Variants in MRPL1 observed in about 807,000 individuals in gnomAD.
The protein encoded by MRPL1 is mitochondrial ribosomal protein L1.
In MRPL1, 28 loss-of-function variants were observed where a neutral mutation model predicts 38.0. That is an observed-to-expected ratio of 0.74 (90% CI 0.55 to 1.01). The LOEUF (loss-of-function observed/expected upper bound fraction) is 1.01, where lower values mean the gene tolerates loss of function less well. Among genes scored for constraint, MRPL1 ranks in the 50% least tolerant of loss-of-function variants. The pLI is 0.00. For synonymous variants in MRPL1, 123 were observed against 126.7 expected (o/e 0.97, Z 0.20); for missense variants, 358 against 389.8 (o/e 0.92, Z 0.69).
At chr4:77,907,468 TTCTC>T (rs950472277) in intron 6 of MRPL1, among the ~76,000 whole-genome samples, 3 of 149,572 alleles carry the variant, frequency 2.0e-5, no homozygotes, top group Non-Finnish European at 4.5e-5. Flanking sequence ...TCATGGGTCT[TTCTC>T]TCTCTCTCTC....
intron 5 of MRPL1, among the ~76,000 whole-genome samples, chr4:77,887,646 C>T (rs1735713250): frequency 6.6e-6 from 1 of 152,124 alleles, no homozygotes; most frequent in African/African-American, 2.4e-5. Flanking sequence ...CTGCCTCAGC[C>T]TTCTGAGTAG....
At chr4:77,883,950 A>C (rs1735611943) in intron 3 of MRPL1, among the ~76,000 whole-genome samples, 2 of 152,188 alleles carry the variant, frequency 1.3e-5, no homozygotes, top group South Asian at 4.1e-4. Flanking sequence ...TTAGCATGAA[A>C]AATATGTTTG....
At chr4:77,892,880 G>C (rs1735836366) in intron 5 of MRPL1, among the ~76,000 whole-genome samples, 1 of 152,128 alleles carries the variant, frequency 6.6e-6, no homozygotes, top group Non-Finnish European at 1.5e-5. Context: ...CCTGTCTCAA[G>C]GTTTGTTATG....
chr4:77,872,918 T>A (rs1243090580), intron 2 of MRPL1, among the ~76,000 whole-genome samples: 16 of 151,904 alleles, frequency 1.1e-4, no homozygotes, highest in Admixed American at 2.0e-4. Flanking sequence ...CTGTAATCCC[T>A]GCTACTTGGG....
chr4:77,933,066 C>T (rs758948573), intron 7 of MRPL1, among the ~76,000 whole-genome samples: 22 of 152,148 alleles, frequency 1.4e-4, no homozygotes, highest in Non-Finnish European at 2.5e-4. Flanking sequence ...CCTCCTTTTT[C>T]AGCCTCTCAA....
At chr4:77,920,967 G>T (rs1429571228) in intron 7 of MRPL1, among the ~76,000 whole-genome samples, 1 of 152,090 alleles carries the variant, frequency 6.6e-6, no homozygotes, top group African/African-American at 2.4e-5. Context: ...GTTTCACCAG[G>T]TTGGCCATGC....
At chr4:77,913,749 G>C (rs1170378272) in intron 7 of MRPL1, among the ~76,000 whole-genome samples, 1 of 152,168 alleles carries the variant, frequency 6.6e-6, no homozygotes, top group East Asian at 1.9e-4. Context: ...AATGTTCACT[G>C]CAGGTGAATA....
At chr4:77,886,821 C>A (rs1735688511) in intron 4 of MRPL1, among the ~76,000 whole-genome samples, 1 of 110,780 alleles carries the variant, frequency 9.0e-6, no homozygotes, top group Non-Finnish European at 1.7e-5. Flanking sequence ...GAGATGGAGT[C>A]TCACTCTGCC....
chr4:77,918,869 T>A (rs1736490597), intron 7 of MRPL1, among the ~76,000 whole-genome samples: 1 of 152,138 alleles, frequency 6.6e-6, no homozygotes, highest in African/African-American at 2.4e-5. Flanking sequence ...TAAACAAAAT[T>A]TTCTAATTTA....
At chr4:77,913,463 G>T (rs1341722797) in intron 7 of MRPL1, among the ~76,000 whole-genome samples, 1 of 152,120 alleles carries the variant, frequency 6.6e-6, no homozygotes, top group Non-Finnish European at 1.5e-5. Context: ...ACATCTATTT[G>T]GAATGAATAA....
chr4:77,880,475 C>A (rs1445393533), intron 2 of MRPL1, among the ~76,000 whole-genome samples: 4 of 150,138 alleles, frequency 2.7e-5, no homozygotes, highest in African/African-American at 9.9e-5. Flanking sequence ...AGGTCTTTAA[C>A]CTTATCTCGT....
Position 77,870,685 on chromosome 4 carries a change from G to A in MRPL1, c.32-1059G>A, listed in dbSNP as rs188384122. Among the ~76,000 whole-genome samples, 3 of 152,300 alleles carry A rather than the reference G, an allele frequency of 2.0e-5. No individual in the cohort carries two copies. The East Asian group carries it at 5.8e-4, about 29-fold the overall frequency. Reference sequence around the variant, plus strand: ...ATGTATATAGTGTTTCTAAAAAGATGCATAAGGTATTGCTAACATGGGAGA... The same window carrying A: ...ATGTATATAGTGTTTCTAAAAAGATACATAAGGTATTGCTAACATGGGAGA... On this transcript the variant is annotated intron_variant, in intron 1 of 8. Coordinates refer to ENST00000315567, the MANE Select transcript of MRPL1 (RefSeq NM_020236.4).
intron 7 of MRPL1, among the ~76,000 whole-genome samples, chr4:77,917,502 ACTTTT>A (rs1380172868): frequency 2.6e-5 from 4 of 152,136 alleles, no homozygotes; most frequent in Non-Finnish European, 4.4e-5. Context: ...TTATTTTTTG[ACTTTT>A]CTTAAGCTTT....
intron 7 of MRPL1, among the ~76,000 whole-genome samples, chr4:77,918,357 G>A (rs573448721): frequency 1.3e-5 from 2 of 152,148 alleles, no homozygotes; most frequent in South Asian, 2.1e-4. Context: ...GGGCTTCTTC[G>A]CTCCACAGGA....
intron 7 of MRPL1, among the ~76,000 whole-genome samples, chr4:77,913,240 C>A (rs963710899): frequency 2.0e-5 from 3 of 151,994 alleles, no homozygotes; most frequent in Non-Finnish European, 4.4e-5. Flanking sequence ...AGACAAATTA[C>A]AGACTGGGAA....
At chr4:77,918,633 T>C (rs1736482884) in intron 7 of MRPL1, among the ~76,000 whole-genome samples, 1 of 152,142 alleles carries the variant, frequency 6.6e-6, no homozygotes, top group Non-Finnish European at 1.5e-5. Flanking sequence ...TGGGTGATCA[T>C]GTGATCATAT....
At chr4:77,943,578 T>C (rs1194115704) in intron 7 of MRPL1, among the ~76,000 whole-genome samples, 3 of 152,112 alleles carry the variant, frequency 2.0e-5, no homozygotes, top group African/African-American at 7.2e-5. Context: ...ATTTTGATTC[T>C]CTTTTCTTTC....
Position 77,921,996 on chromosome 4 carries a change from TTA to T in MRPL1, c.777+12629_777+12630del, listed in dbSNP as rs375312058. Reference sequence around the variant, plus strand: ...CCAGGCGTTACTCTAGATAATGGGGTTATATACATCAACAAAGTAGACAACAA... The same window carrying T: ...CCAGGCGTTACTCTAGATAATGGGGTTATACATCAACAAAGTAGACAACAA... On this transcript the variant is annotated intron_variant, in intron 7 of 8. Coordinates refer to ENST00000315567, the MANE Select transcript of MRPL1 (RefSeq NM_020236.4). Among the ~76,000 whole-genome samples, 427 of 152,250 alleles carry T rather than the reference TTA, an allele frequency of 2.8e-3. 3 individuals carry two copies. The highest frequency in any genetic ancestry group is 0.014 in the Middle Eastern group (4 of 294).
chr4:77,937,642 C>CT lies in MRPL1; in HGVS notation c.778-12153dup, dbSNP rs570113865. On this transcript the variant is annotated intron_variant, in intron 7 of 8. Coordinates refer to ENST00000315567, the MANE Select transcript of MRPL1 (RefSeq NM_020236.4). ...AACCTCTTGGAGACTTTCCTCCTCA[C>CT]TTGGCTTCTGCTGCCTCTTGGGTTG... 4.6e-5 allele frequency among the ~76,000 whole-genome samples: 7 copies of CT among 152,320 alleles called. No individual in the cohort carries two copies. In the East Asian group the frequency reaches 1.4e-3, roughly 29 times the overall value.
Sources: allele counts gnomAD v4.1 joint callset (sites outside exome capture counted in the v4.1 genomes callset), GRCh38; gene constraint gnomAD v4.1.1; transcripts MANE v1.5; gene names NCBI Gene and HGNC (gene_info 2026-07-23, HGNC 2026-07-21).